Variants in MEP1A observed in about 807,000 individuals in gnomAD.
MEP1A encodes the protein meprin A subunit alpha.
MEP1A carries 68 observed loss-of-function variants against 84.5 expected under a neutral mutation model. That is an observed-to-expected ratio of 0.80 (90% CI 0.66 to 0.98). The LOEUF is 0.98. Ranked by LOEUF, MEP1A falls within the 50% of genes least tolerant of loss-of-function variation. The probability of loss-of-function intolerance (pLI) is 0.00; values close to 1 mark genes in which losing one functional copy is unlikely to be tolerated. For synonymous variants in MEP1A, 337 were observed against 336.8 expected, an observed-to-expected ratio of 1.00 and a Z score of -0.01; for missense variants, 887 against 919.9, an observed-to-expected ratio of 0.96 and a Z score of 0.46.
At chr6:46,842,469 A>G (rs2094627), downstream of MEP1A, among the ~76,000 whole-genome samples, 107,431 of 151,972 alleles carry the variant, frequency 0.71, 38,875 homozygotes, top group African/African-American at 0.86. Context: ...TGTCTTATGC[A>G]GTTGAGATAA....
At chr6:46,817,142 G>GA (rs367545562) in intron 6 of MEP1A, among the ~76,000 whole-genome samples, 11 of 152,180 alleles carry the variant, frequency 7.2e-5, no homozygotes, top group Non-Finnish European at 1.3e-4. Flanking sequence ...AGAAATCTGT[G>GA]AAAAAGTGTA....
At chr6:46,809,685 T>G (rs535214393) in intron 6 of MEP1A, 148 bp downstream of exon 6, 1 of 589,950 alleles carries the variant, frequency 1.7e-6, no homozygotes, top group African/African-American at 1.9e-5. Context: ...GAACATACAA[T>G]GTTTGTTTTT....
At chr6:46,797,118 C>A (rs1308309259) in intron 3 of MEP1A, among the ~76,000 whole-genome samples, 1 of 152,204 alleles carries the variant, frequency 6.6e-6, no homozygotes, top group Non-Finnish European at 1.5e-5. Flanking sequence ...ATACCTAACA[C>A]CTCCTTGGTG....
intron 13 of MEP1A, among the ~76,000 whole-genome samples, chr6:46,838,618 C>T (rs1026494813): frequency 5.3e-5 from 8 of 152,320 alleles, no homozygotes; most frequent in African/African-American, 1.7e-4. Flanking sequence ...CAATGTATTC[C>T]TTTAAGTGTC....
At chr6:46,829,700 T>G (rs1768035997) in intron 10 of MEP1A, 129 bp downstream of exon 10, 1 of 692,328 alleles carries the variant, frequency 1.4e-6, no homozygotes, top group African/African-American at 1.8e-5. Flanking sequence ...ACCCACTTTC[T>G]TCTCTTCTCA....
In MEP1A at chr6:46,799,089, T is replaced by C. The variant is rs771509892; in HGVS notation, c.187-17T>C. On this transcript the variant is annotated splice_polypyrimidine_tract_variant and intron_variant, in intron 4 of 13. Transcript: ENST00000230588. ...GAGGACTAGGCTTCCCACTCACCTTTACCTTTGTTTTCACAGAAATCCAGA... is the reference window on the plus strand; with the variant it reads ...GAGGACTAGGCTTCCCACTCACCTTCACCTTTGTTTTCACAGAAATCCAGA... 1.3e-6 allele frequency: 2 copies of C among 1,588,602 alleles called. No individual in the cohort carries two copies. Among genetic ancestry groups the C allele is most frequent in the Admixed American group, 1.7e-5 (1 of 59,984 alleles).
rs1767440749 is a variant in MEP1A, at chr6:46,809,507, G to C, written c.350G>C (p.Ser117Thr). The C allele has an allele frequency of 2.5e-6, 4 of 1,607,572 alleles. No homozygotes were observed. In the South Asian group the frequency reaches 3.3e-5, roughly 13 times the overall value. Residue 117 changes from serine to threonine, a missense_variant, in exon 6 of 14, where the codon AGC becomes ACC. By Grantham distance (58) the Ser-to-Thr change is moderately conservative. Transcript: ENST00000230588. ...CVDFKPYEGE[S>T]SYIIFQQFDG... ...GATTTCAAGCCCTATGAAGGAGAGAGCTCATATATCATATTTCAACAGTTT... is the reference window on the plus strand; with the variant it reads ...GATTTCAAGCCCTATGAAGGAGAGACCTCATATATCATATTTCAACAGTTT...
In MEP1A at chr6:46,819,670, T is replaced by C. The variant is rs1437543298; in HGVS notation, c.522T>C (p.Asp174=). The C allele has an allele frequency of 6.2e-7, 1 of 1,613,990 alleles. No individual in the cohort carries two copies. The highest frequency in any genetic ancestry group is 8.5e-7 in the Non-Finnish European group (1 of 1,179,944). ...YHEQSRTDRD[D]YVNIWWDQIL... is the part of the protein sequence containing the mutation. ...AGCAGTCAAGGACGGACCGGGATGA[T>C]TATGTGAACATCTGGTGGGACCAAA... The change falls in exon 7 of 14, where the codon GAT becomes GAC. Residue 174 remains aspartate, a synonymous_variant. Transcript: ENST00000230588.
downstream of MEP1A, among the ~76,000 whole-genome samples, chr6:46,842,799 T>C (rs902087408): frequency 5.3e-5 from 8 of 152,194 alleles, no homozygotes; most frequent in African/African-American, 1.9e-4. Context: ...ACGGACCTAC[T>C]GATATGTGAT....
intron 3 of MEP1A, among the ~76,000 whole-genome samples, chr6:46,796,432 C>A (rs1767052920): frequency 6.6e-6 from 1 of 152,174 alleles, no homozygotes; most frequent in African/African-American, 2.4e-5. Context: ...GCAAACCTAT[C>A]TCACCTCAGC....
chr6:46,838,526 T>C (rs1416331530), intron 13 of MEP1A, among the ~76,000 whole-genome samples: 1 of 152,160 alleles, frequency 6.6e-6, no homozygotes, highest in African/African-American at 2.4e-5. Flanking sequence ...TATTTAGAAG[T>C]TTTTAAGTTA....
rs759265120 is a variant in MEP1A, at chr6:46,809,496, T to A, written c.339T>A (p.Tyr113Ter). 1 of 1,610,470 alleles carries A rather than the reference T, an allele frequency of 6.2e-7. No homozygotes were observed. Among genetic ancestry groups the A allele is most frequent in the South Asian group, 1.1e-5 (1 of 90,522 alleles). The part of the protein sequence containing the change: ...RLKSCVDFKP[Y>*]EGESSYIIFQ... ...AGTCCTGTGTGGATTTCAAGCCCTA[T>A]GAAGGAGAGAGCTCATATATCATAT... Residue 113 changes from tyrosine to a stop codon, truncating the protein, a stop_gained, in exon 6 of 14, where the codon TAT becomes TAA. Coordinates refer to ENST00000230588, the MANE Select transcript of MEP1A (RefSeq NM_005588.3). LOFTEE classifies it high-confidence loss of function.
At chr6:46,832,560 T>G (rs1002721234) in intron 10 of MEP1A, among the ~76,000 whole-genome samples, 12 of 152,312 alleles carry the variant, frequency 7.9e-5, no homozygotes, top group African/African-American at 2.4e-4. Context: ...GTCTAGATGT[T>G]GGAGAGGGAG....
chr6:46,808,280 A>T (rs960140646), intron 5 of MEP1A, among the ~76,000 whole-genome samples: 4 of 152,058 alleles, frequency 2.6e-5, no homozygotes, highest in African/African-American at 9.7e-5. Context: ...TGTTATTGTT[A>T]TCTGTGTAGT....
At position 46,829,417 on chromosome 6, in the gene MEP1A, G is replaced by GA. The variant is rs1478017149; in HGVS notation, c.990_991insA (p.Glu331ArgfsTer19). The GA allele has an allele frequency of 6.2e-7, 1 of 1,614,110 alleles. No individual in the cohort carries two copies. Among genetic ancestry groups the GA allele is most frequent in the Non-Finnish European group, 8.5e-7 (1 of 1,180,024 alleles). ...GGTCCGCGGAAGAGGCAGCCCTACT[G>GA]GAGTCTCGGATTCTTTACCCAAAGA... On this transcript the variant is annotated frameshift_variant, in exon 10 of 14. Transcript: ENST00000230588. LOFTEE classifies it high-confidence loss of function.
intron 6 of MEP1A, among the ~76,000 whole-genome samples, chr6:46,816,929 C>A (rs1379983735): frequency 6.6e-6 from 1 of 152,110 alleles, no homozygotes; most frequent in Non-Finnish European, 1.5e-5. Context: ...TGTGAGGGAA[C>A]CTATTGTTTG....
the MEP1A span, among the ~76,000 whole-genome samples, chr6:46,844,960 T>A: frequency 6.6e-6 from 1 of 152,154 alleles, no homozygotes; most frequent in Admixed American, 6.5e-5. Flanking sequence ...GCTGATGTTT[T>A]TAAAGTGTGG....
intron 5 of MEP1A, among the ~76,000 whole-genome samples, chr6:46,807,450 G>C (rs567589072): frequency 2.5e-4 from 38 of 150,146 alleles, no homozygotes; most frequent in African/African-American, 8.1e-4. Flanking sequence ...GAGGCAGGAA[G>C]ATCACTTGAG....
At chr6:46,829,935 C>T (rs957710632) in intron 10 of MEP1A, among the ~76,000 whole-genome samples, 1 of 151,932 alleles carries the variant, frequency 6.6e-6, no homozygotes, top group African/African-American at 2.4e-5. Context: ...AAGACCTGTG[C>T]GAATTGATGC....
Sources: gnomAD v4.1 joint callset for allele counts (sites outside exome capture counted in the v4.1 genomes callset) on GRCh38, gnomAD v4.1.1 for gene constraint, MANE v1.5 for transcripts, NCBI Gene and HGNC (gene_info 2026-07-23, HGNC 2026-07-21) for gene names.